ITGA4: variants seen among roughly 807,000 people sequenced by gnomAD.
The protein encoded by ITGA4 is integrin alpha-4.
In ITGA4, 63 loss-of-function variants were observed where a neutral mutation model predicts 133.6. The observed-to-expected ratio is 0.47, with a 90% CI of 0.38 to 0.58. ITGA4 has a LOEUF of 0.58. Among genes scored for constraint, ITGA4 ranks in the 20% least tolerant of loss-of-function variants. ITGA4 has a pLI of 0.00. For synonymous variants in ITGA4, 483 were observed against 438.0 expected, an observed-to-expected ratio of 1.10 and a Z score of -1.28; for missense variants, 1,076 against 1,252.7, an observed-to-expected ratio of 0.86 and a Z score of 2.13.
At chr2:181,478,083 A>T (rs1049727028) in intron 4 of ITGA4, among the ~76,000 whole-genome samples, 7 of 152,082 alleles carry the variant, frequency 4.6e-5, no homozygotes, top group African/African-American at 1.7e-4. Flanking sequence ...AACATGGATG[A>T]CCCCGAAGGA....
At chr2:181,485,815 A>G in intron 9 of ITGA4, 66 bp from the exon 10 acceptor site, 5 of 1,340,904 alleles carry the variant, frequency 3.7e-6, no homozygotes, top group Non-Finnish European at 4.2e-6. Flanking sequence ...TCCAATTACA[A>G]CAGTAAATCG....
chr2:181,465,240 C>T (rs1486978635), intron 2 of ITGA4, among the ~76,000 whole-genome samples: 1 of 152,084 alleles, frequency 6.6e-6, no homozygotes, highest in East Asian at 1.9e-4. Flanking sequence ...TTGTCAATAT[C>T]ACATTTTATC....
At chr2:181,498,103 T>C (rs1022014607) in intron 14 of ITGA4, among the ~76,000 whole-genome samples, 1 of 152,008 alleles carries the variant, frequency 6.6e-6, no homozygotes, top group Non-Finnish European at 1.5e-5. Context: ...AAACCGTATA[T>C]ATAGATTTGA....
intron 9 of ITGA4, 110 bp from the exon 10 acceptor site, chr2:181,485,771 T>A: frequency 1.2e-6 from 1 of 847,702 alleles, no homozygotes; most frequent in Non-Finnish European, 1.9e-6. Context: ...CTGTAGTTTG[T>A]CCAACTTGTT....
chr2:181,512,151 A>C (rs1013861167), intron 17 of ITGA4, among the ~76,000 whole-genome samples: 2 of 152,092 alleles, frequency 1.3e-5, no homozygotes, highest in Non-Finnish European at 2.9e-5. Context: ...ATTTTGTATC[A>C]TATCTGGATC....
chr2:181,475,349 T>C lies in ITGA4; in HGVS notation c.556+61T>C, dbSNP rs186766556. The C allele has an allele frequency of 3.0e-5, 40 of 1,339,246 alleles. No individual in the cohort carries two copies. The African/African-American group carries it at 5.7e-4, about 19-fold the overall frequency. 83.0% of individuals were successfully genotyped at this position (1,339,246 alleles called of 1,614,324 possible). On this transcript the variant is annotated intron_variant, in intron 4 of 27. Coordinates refer to ENST00000397033, the MANE Select transcript of ITGA4 (RefSeq NM_000885.6). ...AAGTAAGTGAATACCTTTTAGTGTT[T>C]TAAATTTATGTTCAAGTTTAGATGT...
intron 4 of ITGA4, chr2:181,476,015 G>A: frequency 9.5e-7 from 1 of 1,051,862 alleles, no homozygotes. Context: ...AGCACGCAAA[G>A]AAAAATTTTA....
In ITGA4 at chr2:181,497,878, T is replaced by G. The variant is rs569791228; in HGVS notation, c.1541-745T>G. ...TTTTGTTAATTTTTTCTTTTTTCCT[T>G]TTTTTTTTCTTTCAAATTTGGAGAT... On this transcript the variant is annotated intron_variant, in intron 14 of 27. Coordinates refer to ENST00000397033, the MANE Select transcript of ITGA4 (RefSeq NM_000885.6). Among the ~76,000 whole-genome samples, 8 of 150,788 alleles carry G rather than the reference T, an allele frequency of 5.3e-5. 1 individual carries two copies. The South Asian group carries it at 1.7e-3, about 32-fold the overall frequency.
At chr2:181,534,529 A>C (rs1687014305) in intron 26 of ITGA4, among the ~76,000 whole-genome samples, 159 bp downstream of exon 26, 1 of 152,138 alleles carries the variant, frequency 6.6e-6, no homozygotes, top group African/African-American at 2.4e-5. Context: ...ATTTTCCACA[A>C]CTGGCAGGAG....
In ITGA4 at chr2:181,493,336, G is replaced by A. The variant is rs750392526; in HGVS notation, c.1165G>A (p.Gly389Arg). 9 of 1,606,234 alleles carry A rather than the reference G, an allele frequency of 5.6e-6. No homozygotes were observed. The highest frequency in any genetic ancestry group is 7.7e-6 in the Non-Finnish European group (9 of 1,175,188). Residue 389 changes from glycine to arginine, a missense_variant, in exon 11 of 28, where the codon GGA becomes AGA. Physicochemically the swap from Gly to Arg is moderately radical, Grantham distance 125 (BLOSUM62 -2). This residue lies in a region of ITGA4 where 436 missense variants were observed against 590.7 expected (regional missense o/e 0.74). Transcript: ENST00000397033. ...DNDGFEDVAI[G>R]APQEDDLQGA... ...AAATTATTGGATAGATGTTGCTATC[G>A]GAGCTCCACAAGAAGATGACTTGCA...
intron 23 of ITGA4, 42 bp downstream of exon 23, chr2:181,529,690 T>A: frequency 1.0e-6 from 1 of 995,066 alleles, no homozygotes; most frequent in Non-Finnish European, 1.6e-6. Context: ...TTGTGTGTCT[T>A]AAATACTAAA....
chr2:181,470,934 G>A (rs1685536016), intron 2 of ITGA4, among the ~76,000 whole-genome samples: 1 of 152,078 alleles, frequency 6.6e-6, no homozygotes, highest in Non-Finnish European at 1.5e-5. Context: ...AACACTAGGG[G>A]AAATTACAGG....
In ITGA4 at chr2:181,538,204, C is replaced by G. The variant is rs753367773; in HGVS notation, c.*2677C>G. 24 of 1,584,298 alleles carry G rather than the reference C, an allele frequency of 1.5e-5. 1 individual carries two copies. The South Asian group carries it at 2.3e-4, about 15-fold the overall frequency. Reference sequence around the variant, plus strand: ...ACATGTTACTTTGGAATCATTTCTTCCATGCTTCCTCCATAAAGACTGATA... The same window carrying G: ...ACATGTTACTTTGGAATCATTTCTTGCATGCTTCCTCCATAAAGACTGATA... On this transcript the variant is annotated 3_prime_UTR_variant, in exon 28 of 28. Coordinates refer to ENST00000397033, the MANE Select transcript of ITGA4 (RefSeq NM_000885.6).
chr2:181,527,343 G>A lies in ITGA4; in HGVS notation c.2386G>A (p.Glu796Lys), dbSNP rs199946613. ...TGTGTATGGATCAAATGATGAAAAT[G>A]AGCCTGAAACGTGCATGGTGGAGAA... The part of the protein sequence containing the change: ...SFVYGSNDEN[E>K]PETCMVEKMN... Residue 796 changes from glutamate to lysine, a missense_variant, in exon 22 of 28, where the codon GAG becomes AAG. Coordinates refer to ENST00000397033, the MANE Select transcript of ITGA4 (RefSeq NM_000885.6). 2.5e-6 allele frequency: 4 copies of A among 1,613,144 alleles called. No homozygotes were observed. The highest frequency in any genetic ancestry group is 1.7e-6 in the Non-Finnish European group (2 of 1,179,320).
intron 2 of ITGA4, among the ~76,000 whole-genome samples, chr2:181,469,464 A>G (rs144888333): frequency 6.6e-5 from 10 of 152,268 alleles, no homozygotes; most frequent in African/African-American, 2.2e-4. Context: ...TACACTGTTG[A>G]TGGGACTGTA....
chr2:181,534,242 GGCT>G, intron 25 of ITGA4, 27 bp from the exon 26 acceptor site: 2 of 1,282,982 alleles, frequency 1.6e-6, no homozygotes, highest in Non-Finnish European at 2.3e-6. Context: ...AAATAAACCA[GGCT>G]ATGGTGATCC....
Position 181,480,206 on chromosome 2 carries a change from A to G in ITGA4, c.694A>G (p.Thr232Ala), listed in dbSNP as rs1685772698. ...CTCTCTTTTTGTCTACAATATAACT[A>G]CAAATAAATACAAGGCTTTTTTAGA... Reference protein sequence around the residue: ...TGSLFVYNITTNKYKAFLDKQ... With the variant: ...TGSLFVYNITANKYKAFLDKQ... Residue 232 changes from threonine to alanine, a missense_variant, in exon 6 of 28, where the codon ACA becomes GCA. Physicochemically the swap from Thr to Ala is moderately conservative, Grantham distance 58. Coordinates refer to ENST00000397033, the MANE Select transcript of ITGA4 (RefSeq NM_000885.6). 1 of 1,533,974 alleles carries G rather than the reference A, an allele frequency of 6.5e-7. No homozygotes were observed. The highest frequency in any genetic ancestry group is 8.8e-7 in the Non-Finnish European group (1 of 1,135,168).
chr2:181,508,215 G>GA (rs997747620), intron 15 of ITGA4, among the ~76,000 whole-genome samples: 64 of 147,344 alleles, frequency 4.3e-4, no homozygotes, highest in Non-Finnish European at 5.9e-4. Context: ...TCTGATTATT[G>GA]AAAAAAAAAA....
chr2:181,527,707 G>A (rs1041753531), intron 22 of ITGA4, among the ~76,000 whole-genome samples: 34 of 140,772 alleles, frequency 2.4e-4, no homozygotes, highest in African/African-American at 7.1e-4. Context: ...AAACAGGACA[G>A]GCCAAGGGAA....
Sources: allele counts gnomAD v4.1 joint callset (sites outside exome capture counted in the v4.1 genomes callset), GRCh38; gene constraint gnomAD v4.1.1; regional missense constraint gnomAD v4.1.1; transcripts MANE v1.5; gene names NCBI Gene and HGNC (gene_info 2026-07-23, HGNC 2026-07-21).